Variants in STAP1 observed in about 807,000 individuals in gnomAD.
STAP1 encodes the protein signal-transducing adaptor protein 1.
Under a neutral mutation model 37.8 loss-of-function variants are expected in STAP1, and 30 were observed. The ratio of observed to expected loss-of-function variants is 0.79; its 90% CI spans 0.59 to 1.08. The LOEUF (loss-of-function observed/expected upper bound fraction) is 1.08, where lower values mean the gene tolerates loss of function less well. Among genes scored for constraint, STAP1 ranks in the 50% least tolerant of loss-of-function variants. The pLI is 0.00. For synonymous variants in STAP1, 130 were observed against 116.0 expected, an observed-to-expected ratio of 1.12 and a Z score of -0.78; for missense variants, 357 against 349.4, an observed-to-expected ratio of 1.02 and a Z score of -0.17.
intron 6 of STAP1, among the ~76,000 whole-genome samples, chr4:67,583,934 TA>T (rs1270420551): frequency 1.3e-5 from 2 of 151,598 alleles, no homozygotes; most frequent in Non-Finnish European, 2.9e-5. Flanking sequence ...CCGTCTTTAC[TA>T]AAAATACAAA....
chr4:67,596,730 TGAGA>T (rs754137477), intron 8 of STAP1, among the ~76,000 whole-genome samples: 11 of 152,254 alleles, frequency 7.2e-5, no homozygotes, highest in Non-Finnish European at 1.3e-4. Flanking sequence ...ATTTTGAACG[TGAGA>T]GAGATAATTT....
At chr4:67,571,295 TG>T in intron 2 of STAP1, 140 bp downstream of exon 2, 1 of 572,366 alleles carries the variant, frequency 1.7e-6, no homozygotes, top group South Asian at 3.4e-5. Context: ...TTTAAATCTG[TG>T]GGGGCCGCCA....
intron 1 of STAP1, among the ~76,000 whole-genome samples, chr4:67,563,022 A>G (rs1727386235): frequency 6.6e-6 from 1 of 152,180 alleles, no homozygotes; most frequent in Non-Finnish European, 1.5e-5. Flanking sequence ...TGCGCACAAA[A>G]ACAAAGAATG....
intron 2 of STAP1, among the ~76,000 whole-genome samples, chr4:67,573,715 C>T (rs998009412): frequency 6.6e-6 from 1 of 152,100 alleles, no homozygotes; most frequent in Admixed American, 6.6e-5. Context: ...CCAACTCGAA[C>T]TTTCTCTCAA....
intron 1 of STAP1, among the ~76,000 whole-genome samples, chr4:67,562,346 A>T (rs1727368088): frequency 6.6e-6 from 1 of 152,036 alleles, no homozygotes; most frequent in Non-Finnish European, 1.5e-5. Flanking sequence ...CGTCTCAAAA[A>T]AAAAGGAAAT....
At chr4:67,598,785 C>T (rs750158321) in intron 8 of STAP1, among the ~76,000 whole-genome samples, 24 of 152,188 alleles carry the variant, frequency 1.6e-4, no homozygotes, top group East Asian at 1.5e-3. Context: ...TAACTTAATG[C>T]GATCCCATTT....
chr4:67,583,558 T>C lies in STAP1; in HGVS notation c.531-16T>C, dbSNP rs766747002. On this transcript the variant is annotated splice_polypyrimidine_tract_variant and intron_variant, in intron 5 of 8. Transcript: ENST00000265404. ...AGTTAAAAAAACAATTCTGTTTTTTTATCTCACCTCTGTAGATGTTTTTAT... is the reference window on the plus strand; with the variant it reads ...AGTTAAAAAAACAATTCTGTTTTTTCATCTCACCTCTGTAGATGTTTTTAT... 6.3e-7 allele frequency: 1 copy of C among 1,579,326 alleles called. No individual in the cohort carries two copies.
chr4:67,575,684 T>A (rs1021268273), intron 3 of STAP1, among the ~76,000 whole-genome samples, 186 bp downstream of exon 3: 4 of 152,208 alleles, frequency 2.6e-5, no homozygotes, highest in African/African-American at 9.6e-5. Context: ...TTCACTTGTT[T>A]AGCATACAAG....
At chr4:67,586,632 T>C (rs927814090) in intron 6 of STAP1, among the ~76,000 whole-genome samples, 5 of 152,242 alleles carry the variant, frequency 3.3e-5, no homozygotes, top group Non-Finnish European at 7.3e-5. Context: ...AATGAATTTC[T>C]GTACTTAGTG....
chr4:67,593,362 T>A lies in STAP1; in HGVS notation c.826+6T>A. 6.3e-7 allele frequency: 1 copy of A among 1,588,504 alleles called. No homozygotes were observed. The highest frequency in any genetic ancestry group is 8.6e-7 in the Non-Finnish European group (1 of 1,160,602). On this transcript the variant is annotated splice_donor_region_variant and intron_variant, in intron 8 of 8. Coordinates refer to ENST00000265404, the MANE Select transcript of STAP1 (RefSeq NM_012108.4). ...TTCAACTGATGAAAACACTGGTATGTTTTTCACTTCATTGCTATGTTAAGG... is the reference window on the plus strand; with the variant it reads ...TTCAACTGATGAAAACACTGGTATGATTTTCACTTCATTGCTATGTTAAGG...
At chr4:67,588,740 G>A (rs150948979) in intron 6 of STAP1, among the ~76,000 whole-genome samples, 2 of 152,078 alleles carry the variant, frequency 1.3e-5, no homozygotes, top group Admixed American at 1.3e-4. Context: ...AACAACAATC[G>A]TTGTTCTCCT....
Position 67,581,412 on chromosome 4 carries a change from C to T in STAP1, c.471C>T (p.Ser157=), listed in dbSNP as rs765642792. ...KRRIETEQST[S]VEKEKEPTED... is the part of the protein sequence containing the mutation. Reference sequence around the variant, plus strand: ...GGATTGAGACAGAGCAGAGTACGTCCGTGGAAAAAGAGAAGGAACCAACTG... The same window carrying T: ...GGATTGAGACAGAGCAGAGTACGTCTGTGGAAAAAGAGAAGGAACCAACTG... Residue 157 remains serine, a synonymous_variant, in exon 5 of 9, where the codon TCC becomes TCT. Transcript: ENST00000265404. The T allele has an allele frequency of 6.8e-6, 11 of 1,613,318 alleles. No individual in the cohort carries two copies. Among genetic ancestry groups the T allele is most frequent in the Middle Eastern group, 1.6e-4 (1 of 6,082 alleles).
intron 8 of STAP1, among the ~76,000 whole-genome samples, chr4:67,595,737 G>A (rs896588291): frequency 5.3e-5 from 8 of 151,934 alleles, no homozygotes; most frequent in African/African-American, 9.7e-5. Context: ...TTTCAAAATC[G>A]TTTGGACTAG....
chr4:67,604,042 T>G (rs367860999), intron 8 of STAP1, among the ~76,000 whole-genome samples: 61 of 152,336 alleles, frequency 4.0e-4, no homozygotes, highest in African/African-American at 1.4e-3. Flanking sequence ...GAGCTCAGAT[T>G]CTGCCCACTG....
intron 3 of STAP1, among the ~76,000 whole-genome samples, 160 bp from the exon 4 acceptor site, chr4:67,577,043 A>G (rs2109861851): frequency 6.6e-6 from 1 of 152,376 alleles, no homozygotes; most frequent in East Asian, 1.9e-4. Context: ...TGACAAAAGA[A>G]AATAGTATTG....
intron 4 of STAP1, among the ~76,000 whole-genome samples, chr4:67,577,895 G>A (rs569050400): frequency 2.0e-5 from 3 of 151,976 alleles, no homozygotes; most frequent in South Asian, 2.1e-4. Flanking sequence ...GTGATCTGCC[G>A]GCCTCGGCCT....
intron 1 of STAP1, among the ~76,000 whole-genome samples, chr4:67,562,918 C>T (rs115216548): frequency 3.3e-5 from 5 of 152,020 alleles, no homozygotes; most frequent in African/African-American, 1.2e-4. Context: ...AAAATTTTCT[C>T]TCCCAATGGA....
intron 1 of STAP1, among the ~76,000 whole-genome samples, chr4:67,569,988 C>A (rs1481798255): frequency 1.3e-5 from 2 of 152,164 alleles, no homozygotes; most frequent in African/African-American, 4.8e-5. Context: ...ACCTCAGCCT[C>A]CCAAAGTGTT....
At chr4:67,586,071 G>A (rs906428969) in intron 6 of STAP1, among the ~76,000 whole-genome samples, 8 of 151,848 alleles carry the variant, frequency 5.3e-5, no homozygotes, top group Non-Finnish European at 2.9e-5. Flanking sequence ...TCCTTTCTTG[G>A]TCAGATTGAG....
Sources: allele counts gnomAD v4.1 joint callset (sites outside exome capture counted in the v4.1 genomes callset), GRCh38; gene constraint gnomAD v4.1.1; transcripts MANE v1.5; gene names NCBI Gene and HGNC (gene_info 2026-07-23, HGNC 2026-07-21).